Variants in RTN1 observed in about 807,000 individuals in gnomAD.
RTN1 encodes the protein reticulon-1.
RTN1 carries 25 observed loss-of-function variants against 65.5 expected under a neutral mutation model. The observed-to-expected ratio is 0.38, with a 90% CI of 0.28 to 0.53. The LOEUF is 0.53. Among genes scored for constraint, RTN1 ranks in the 20% least tolerant of loss-of-function variants. The probability of loss-of-function intolerance (pLI) is 0.79; values close to 1 mark genes in which losing one functional copy is unlikely to be tolerated. For missense variants in RTN1, 983 were observed against 1,025.4 expected (o/e 0.96, Z 0.57); for synonymous variants, 471 against 447.6 (o/e 1.05, Z -0.66).
At position 59,748,773 on chromosome 14, in the gene RTN1, C is replaced by A. The variant is rs955984710; in HGVS notation, c.242-2292G>T. 5.9e-5 allele frequency among the ~76,000 whole-genome samples: 9 copies of A among 151,940 alleles called. No individual in the cohort carries two copies. In the East Asian group the frequency reaches 1.6e-3, roughly 26 times the overall value. ...ATAGTAGGTACTCAATACATATTTG[C>A]AAAATAAAGGAAAGTGATATTTTTG... On this transcript the variant is annotated intron_variant, in intron 1 of 8. Coordinates refer to ENST00000267484, the MANE Select transcript of RTN1 (RefSeq NM_021136.3).
chr14:59,811,281 A>G (rs1813033446), intron 1 of RTN1, among the ~76,000 whole-genome samples: 2 of 152,186 alleles, frequency 1.3e-5, no homozygotes, highest in Non-Finnish European at 2.9e-5. Flanking sequence ...AAGAAACTAT[A>G]GGTTGATGAT....
intron 3 of RTN1, among the ~76,000 whole-genome samples, chr14:59,688,585 C>G (rs1883895650): frequency 6.6e-6 from 1 of 152,138 alleles, no homozygotes; most frequent in African/African-American, 2.4e-5. Flanking sequence ...AAGGCTATAC[C>G]CAGCCACATT....
intron 3 of RTN1, among the ~76,000 whole-genome samples, chr14:59,662,604 C>T (rs1436902789): frequency 6.6e-6 from 1 of 152,042 alleles, no homozygotes; most frequent in Non-Finnish European, 1.5e-5. Context: ...AAATCACAAG[C>T]ATTCTTATAT....
intron 1 of RTN1, among the ~76,000 whole-genome samples, chr14:59,850,011 C>T (rs140974446): frequency 1.3e-5 from 2 of 152,262 alleles, no homozygotes; most frequent in East Asian, 3.9e-4. Flanking sequence ...CCTTTCACCG[C>T]CACCTCTTCC....
At chr14:59,697,370 G>C (rs1228426848) in intron 3 of RTN1, among the ~76,000 whole-genome samples, 1 of 152,030 alleles carries the variant, frequency 6.6e-6, no homozygotes, top group Admixed American at 6.6e-5. Flanking sequence ...ACCATATCCT[G>C]TTCATCACTG....
chr14:59,749,112 A>ATC (rs1424376693), intron 1 of RTN1, among the ~76,000 whole-genome samples: 4 of 55,316 alleles, frequency 7.2e-5, no homozygotes, highest in Admixed American at 2.6e-4. Flanking sequence ...CTATATATAT[A>ATC]TATATATATA....
chr14:59,643,176 A>G (rs1882814721), intron 3 of RTN1, among the ~76,000 whole-genome samples: 1 of 152,164 alleles, frequency 6.6e-6, no homozygotes, highest in South Asian at 2.1e-4. Flanking sequence ...TGGGAGGCCA[A>G]AGTGGGAAGA....
At chr14:59,717,919 A>G (rs373904625) in intron 3 of RTN1, among the ~76,000 whole-genome samples, 126 of 152,258 alleles carry the variant, frequency 8.3e-4, no homozygotes, top group African/African-American at 2.8e-3. Context: ...CTCTGCCTAC[A>G]ATTAACTGCG....
chr14:59,826,942 G>C (rs1321923929), intron 1 of RTN1, among the ~76,000 whole-genome samples: 1 of 152,192 alleles, frequency 6.6e-6, no homozygotes, highest in East Asian at 1.9e-4. Context: ...GGTGGGAGCA[G>C]AGTATTTAGA....
At chr14:59,789,570 C>A (rs183906587) in intron 1 of RTN1, among the ~76,000 whole-genome samples, 10 of 152,134 alleles carry the variant, frequency 6.6e-5, no homozygotes, top group Non-Finnish European at 1.0e-4. Flanking sequence ...TTTCTAGGAA[C>A]TATATGCTTC....
At position 59,731,357 on chromosome 14, in the gene RTN1, G is replaced by A. The variant is rs149243067; in HGVS notation, c.1016-3689C>T. On this transcript the variant is annotated intron_variant, in intron 2 of 8. Transcript: ENST00000267484. ...TGGGGAGTGGGGAGATTTGGAGGGT[G>A]AGAAAAGGGGGTGCAGGGTTTCTTT... 4.3e-3 allele frequency among the ~76,000 whole-genome samples: 654 copies of A among 152,240 alleles called. 4 individuals carry two copies. The highest frequency in any genetic ancestry group is 6.6e-3 in the Admixed American group (101 of 15,298).
At chr14:59,811,450 T>A (rs1886728070) in intron 1 of RTN1, among the ~76,000 whole-genome samples, 1 of 152,224 alleles carries the variant, frequency 6.6e-6, no homozygotes. Context: ...TAGATCTATA[T>A]CTACTGCTGA....
chr14:59,765,213 T>C (rs989412996), intron 1 of RTN1, among the ~76,000 whole-genome samples: 1 of 152,012 alleles, frequency 6.6e-6, no homozygotes, highest in Non-Finnish European at 1.5e-5. Flanking sequence ...GAAAAAATAG[T>C]GCATTTAAGT....
chr14:59,720,897 A>T (rs1200298999), intron 3 of RTN1, among the ~76,000 whole-genome samples: 1 of 152,194 alleles, frequency 6.6e-6, no homozygotes, highest in African/African-American at 2.4e-5. Flanking sequence ...CTCAAGTGGA[A>T]TCTAACACCT....
chr14:59,653,731 C>T (rs1034291069), intron 3 of RTN1, among the ~76,000 whole-genome samples: 16 of 151,690 alleles, frequency 1.1e-4, no homozygotes, highest in Non-Finnish European at 2.1e-4. Flanking sequence ...TATACATACT[C>T]CCAGAATAAT....
At chr14:59,757,256 T>C (rs1250283029) in intron 1 of RTN1, among the ~76,000 whole-genome samples, 2 of 152,152 alleles carry the variant, frequency 1.3e-5, no homozygotes, top group Non-Finnish European at 2.9e-5. Context: ...CCAAATCTCA[T>C]CTTGAATTGT....
intron 1 of RTN1, among the ~76,000 whole-genome samples, chr14:59,799,834 G>A (rs955055088): frequency 3.3e-5 from 5 of 152,060 alleles, no homozygotes; most frequent in South Asian, 4.2e-4. Flanking sequence ...AGAGGATTCC[G>A]TACTTTTCAA....
intron 1 of RTN1, among the ~76,000 whole-genome samples, chr14:59,761,409 CCTT>C (rs1179141784): frequency 6.6e-6 from 1 of 152,204 alleles, no homozygotes; most frequent in African/African-American, 2.4e-5. Context: ...TTTGCTCAGT[CCTT>C]CTCTTGCCTG....
At chr14:59,847,163 A>G (rs1887425220) in intron 1 of RTN1, among the ~76,000 whole-genome samples, 1 of 152,166 alleles carries the variant, frequency 6.6e-6, no homozygotes, top group African/African-American at 2.4e-5. Flanking sequence ...TAGATCATGT[A>G]CATACTTCTA....
Sources: gnomAD v4.1 joint callset for allele counts (sites outside exome capture counted in the v4.1 genomes callset) on GRCh38, gnomAD v4.1.1 for gene constraint, MANE v1.5 for transcripts, NCBI Gene and HGNC (gene_info 2026-07-23, HGNC 2026-07-21) for gene names.